EMC1: variants seen among roughly 807,000 people sequenced by gnomAD.
EMC1 encodes ER membrane protein complex subunit 1, also known as KIAA0090.
Under a neutral mutation model 128.8 loss-of-function variants are expected in EMC1, and 103 were observed. The observed-to-expected ratio is 0.80, with a 90% confidence interval of 0.68 to 0.94. The LOEUF (loss-of-function observed/expected upper bound fraction) is 0.94, where lower values mean the gene tolerates loss of function less well. Ranked by LOEUF, EMC1 falls within the 40% of genes least tolerant of loss-of-function variation. The pLI is 0.00. For missense variants in EMC1, 1,083 were observed against 1,250.6 expected (o/e 0.87, Z 2.02); for synonymous variants, 442 against 490.4 (o/e 0.90, Z 1.30).
At position 19,231,171 on chromosome 1, in the gene EMC1, G is replaced by A. The variant is rs2093518509; in HGVS notation, c.1944+90C>T. 4 of 1,427,700 alleles carry A rather than the reference G, an allele frequency of 2.8e-6. No homozygotes were observed. In the East Asian group the frequency reaches 6.8e-5, roughly 24 times the overall value. 88.4% of individuals were successfully genotyped at this position (1,427,700 alleles called of 1,614,324 possible). On this transcript the variant is annotated intron_variant, in intron 16 of 22. Coordinates refer to ENST00000477853, the MANE Select transcript of EMC1 (RefSeq NM_015047.3). ...AGCCCAAACACGTGCTGGGTGCAGA[G>A]AGCACTCCATCTCCGGGCCGCTGTG...
rs2093412381 is a variant in EMC1, at chr1:19,219,200, C to G, written c.*103G>C. 1 of 1,165,234 alleles carries G rather than the reference C, an allele frequency of 8.6e-7. No individual in the cohort carries two copies. The highest frequency in any genetic ancestry group is 1.3e-6 in the Non-Finnish European group (1 of 797,518). The allele number at this position is 1,165,234 out of a possible 1,614,324, so 72.2% of individuals were successfully genotyped here. ...CTTCCCTACAGTTCTTAGCTGAGCA[C>G]TGACACACACACATACTCCACCAAT... is the stretch of plus-strand genomic sequence containing the variant. On this transcript the variant is annotated 3_prime_UTR_variant, in exon 23 of 23. Transcript: ENST00000477853.
In EMC1 at chr1:19,242,475, T is replaced by G. The variant is rs150431800; in HGVS notation, c.381-2A>C. 1 of 1,614,062 alleles carries G rather than the reference T, an allele frequency of 6.2e-7. No individual in the cohort carries two copies. The highest frequency in any genetic ancestry group is 8.5e-7 in the Non-Finnish European group (1 of 1,180,016). Reference sequence around the variant, plus strand: ...CCAACCAGCCCAAGTGCCTGGAAACTGAACACAAGTACAGGTTGAGAGCAG... The same window carrying G: ...CCAACCAGCCCAAGTGCCTGGAAACGGAACACAAGTACAGGTTGAGAGCAG... On this transcript the variant is annotated splice_acceptor_variant, in intron 4 of 22. Coordinates refer to ENST00000477853, the MANE Select transcript of EMC1 (RefSeq NM_015047.3). LOFTEE classifies it high-confidence loss of function.
At chr1:19,228,296 A>T (rs547233903) in intron 17 of EMC1, among the ~76,000 whole-genome samples, 42 of 152,280 alleles carry the variant, frequency 2.8e-4, no homozygotes, top group African/African-American at 9.4e-4. Context: ...GAAATATGCA[A>T]GGAAAATTTA....
intron 14 of EMC1, 71 bp from the exon 15 acceptor site, chr1:19,232,844 C>A (rs997997584): frequency 6.2e-7 from 1 of 1,607,462 alleles, no homozygotes; most frequent in Non-Finnish European, 8.5e-7. Context: ...TCCTTGAAAA[C>A]TAGAACCAGT....
intron 18 of EMC1, among the ~76,000 whole-genome samples, chr1:19,224,447 G>A (rs1400535372): frequency 6.6e-6 from 1 of 152,160 alleles, no homozygotes; most frequent in Non-Finnish European, 1.5e-5. Flanking sequence ...TCCCCAGCCA[G>A]TCACGACTCC....
rs1295003726 is a variant in EMC1, at chr1:19,239,857, G to C, written c.915C>G (p.Tyr305Ter). The change falls in exon 8 of 23, where the codon TAC (tyrosine) becomes TAG (stop). Residue 305 changes from tyrosine (Y) to a stop codon, truncating the protein, a stop_gained. Transcript: ENST00000477853. LOFTEE classifies it high-confidence loss of function. ...TAAGCAAACTCAGCGTTCCATAATG[G>C]TACTGCAGCAGAGCATAGTGGCTTG... The part of the protein sequence containing the change: ...LSPSHYALLQ[Y>*]HYGTLSLLKN... 6.2e-7 allele frequency: 1 copy of C among 1,614,048 alleles called. No homozygotes were observed. Among genetic ancestry groups the C allele is most frequent in the African/African-American group, 1.3e-5 (1 of 75,010 alleles).
Position 19,245,027 on chromosome 1 carries a change from T to C in EMC1, c.99A>G (p.Arg33=). 1 of 1,613,256 alleles carries C rather than the reference T, an allele frequency of 6.2e-7. No homozygotes were observed. ...YEDQVGKFDW[R]QQYVGKVKFA... ...ACTTGACCTTCCCAACATATTGCTGTCTCCTGAGAAAAAAAGAGTACAGGG... is the reference window on the plus strand; with the variant it reads ...ACTTGACCTTCCCAACATATTGCTGCCTCCTGAGAAAAAAAGAGTACAGGG... The change falls in exon 2 of 23, where the codon AGA becomes AGG. Residue 33 remains arginine, a synonymous_variant. Transcript: ENST00000477853.
chr1:19,234,812 C>G (rs145708679), intron 13 of EMC1, among the ~76,000 whole-genome samples: 428 of 152,072 alleles, frequency 2.8e-3, no homozygotes, highest in African/African-American at 0.01. Flanking sequence ...CGCCACTGCA[C>G]TCCAGCCTGG....
intron 1 of EMC1, among the ~76,000 whole-genome samples, chr1:19,245,277 A>G (rs1410454381): frequency 2.6e-5 from 4 of 152,152 alleles, no homozygotes; most frequent in African/African-American, 7.2e-5. Context: ...GTCTGTCTCT[A>G]TGAAAAATAC....
chr1:19,245,117 C>T, intron 1 of EMC1, 87 bp from the exon 2 acceptor site: 1 of 1,434,358 alleles, frequency 7.0e-7, no homozygotes, highest in Non-Finnish European at 9.7e-7. Flanking sequence ...AGGGCTATCA[C>T]CATCACATTC....
chr1:19,232,663 G>A lies in EMC1; in HGVS notation c.1743C>T (p.Phe581=), dbSNP rs369164696. The A allele has an allele frequency of 2.0e-4, 326 of 1,614,078 alleles. No homozygotes were observed. The highest frequency in any genetic ancestry group is 2.6e-4 in the Non-Finnish European group (307 of 1,180,054). ...GCAGGGTGCACTGTGGGGGATGGGG[G>A]AAATGAGCAGTAGTTCTCTGGACCA... ...KLMVQRTTAH[F]PHPPQCTLLV... Residue 581 remains phenylalanine (F), a synonymous_variant, in exon 15 of 23, where the codon TTC becomes TTT. Coordinates refer to ENST00000477853, the MANE Select transcript of EMC1 (RefSeq NM_015047.3).
chr1:19,231,296 C>T lies in EMC1; in HGVS notation c.1909G>A (p.Ala637Thr), dbSNP rs769289181. 15 of 1,608,572 alleles carry T rather than the reference C, an allele frequency of 9.3e-6. No homozygotes were observed. The highest frequency in any genetic ancestry group is 1.3e-5 in the Non-Finnish European group (15 of 1,178,790). ...TCATCTATCAACAGCAACACCTTGGCGTAGTCTTGATCCATGACTGGGAGA... is the reference window on the plus strand; with the variant it reads ...TCATCTATCAACAGCAACACCTTGGTGTAGTCTTGATCCATGACTGGGAGA... The part of the protein sequence containing the change: ...LLLPVMDQDY[A>T]KVLLLIDDEY... The change falls in exon 16 of 23, where the codon GCC becomes ACC. Residue 637 changes from alanine to threonine, a missense_variant. Coordinates refer to ENST00000477853, the MANE Select transcript of EMC1 (RefSeq NM_015047.3).
intron 15 of EMC1, among the ~76,000 whole-genome samples, chr1:19,231,849 C>A (rs1330754907): frequency 3.3e-5 from 5 of 152,276 alleles, no homozygotes. Context: ...TCTCGAACTC[C>A]TGGACTCAAG....
Position 19,241,108 on chromosome 1 carries a change from C to T in EMC1, c.544G>A (p.Gly182Ser), listed in dbSNP as rs201096584. 30 of 1,614,166 alleles carry T rather than the reference C, an allele frequency of 1.9e-5. No homozygotes were observed. The highest frequency in any genetic ancestry group is 1.8e-4 in the Admixed American group (11 of 60,026). Reference protein sequence around the residue: ...SIHYQMVYSYGSGVVWALGVV... With the variant: ...SIHYQMVYSYSSGVVWALGVV... ...CCGAGGGCCCACACCACCCCAGAGC[C>T]GTAAGAATACACCATCTGGTAGTGG... Residue 182 changes from glycine (G) to serine (S), a missense_variant, in exon 6 of 23, where the codon GGC (glycine) becomes AGC (serine). By Grantham distance (56) the Gly-to-Ser change is moderately conservative (BLOSUM62 0). Coordinates refer to ENST00000477853, the MANE Select transcript of EMC1 (RefSeq NM_015047.3).
chr1:19,245,024 CT>C lies in EMC1; in HGVS notation c.101del (p.Gln34ArgfsTer23). On this transcript the variant is annotated frameshift_variant, in exon 2 of 23. Coordinates refer to ENST00000477853, the MANE Select transcript of EMC1 (RefSeq NM_015047.3). LOFTEE classifies it high-confidence loss of function. ...EDQVGKFDWR[Q>X]QYVGKVKFAS... ...CAAACTTGACCTTCCCAACATATTG[CT>C]GTCTCCTGAGAAAAAAAGAGTACAG... is the stretch of plus-strand genomic sequence containing the variant. 1.9e-6 allele frequency: 3 copies of C among 1,613,760 alleles called. No homozygotes were observed. The highest frequency in any genetic ancestry group is 2.5e-6 in the Non-Finnish European group (3 of 1,179,780).
chr1:19,228,815 C>A (rs1026188515), intron 17 of EMC1, among the ~76,000 whole-genome samples: 19 of 152,068 alleles, frequency 1.2e-4, no homozygotes, highest in African/African-American at 4.3e-4. Flanking sequence ...ACTTTCGGAG[C>A]CCGAGGCGGG....
Position 19,238,816 on chromosome 1 carries a change from A to C in EMC1, c.1068T>G (p.Phe356Leu). Residue 356 changes from phenylalanine (F) to leucine (L), a missense_variant, in exon 10 of 23, where the codon TTT (phenylalanine) becomes TTG (leucine). By Grantham distance (22) the Phe-to-Leu change is conservative. Transcript: ENST00000477853. ...ATACCTTTGAACTAGACTTCTCCGAAAAGCTCCCCATTGACCCATCTTCAG... is the reference window on the plus strand; with the variant it reads ...ATACCTTTGAACTAGACTTCTCCGACAAGCTCCCCATTGACCCATCTTCAG... ...SSSEDGSMGSFSEKSSSKDSL... is the reference protein window; with the variant it reads ...SSSEDGSMGSLSEKSSSKDSL... The C allele has an allele frequency of 6.2e-7, 1 of 1,611,946 alleles. No homozygotes were observed. Among genetic ancestry groups the C allele is most frequent in the East Asian group, 2.2e-5 (1 of 44,868 alleles).
chr1:19,241,286 G>T, intron 5 of EMC1, 144 bp from the exon 6 acceptor site: 2 of 831,392 alleles, frequency 2.4e-6, no homozygotes, highest in South Asian at 3.6e-5. Context: ...GGGGGCTTTT[G>T]TTGTTGTTGT....
intron 5 of EMC1, among the ~76,000 whole-genome samples, chr1:19,241,417 T>C (rs1017272348): frequency 3.3e-5 from 5 of 152,212 alleles, no homozygotes; most frequent in African/African-American, 1.2e-4. Flanking sequence ...ACCAATCAGG[T>C]GGGTAAGGCT....
Sources: gnomAD v4.1 joint callset for allele counts (sites outside exome capture counted in the v4.1 genomes callset) on GRCh38, gnomAD v4.1.1 for gene constraint, MANE v1.5 for transcripts, NCBI Gene and HGNC (gene_info 2026-07-23, HGNC 2026-07-21) for gene names.